LARP1B: variants seen among roughly 807,000 people sequenced by gnomAD.
LARP1B encodes la-related protein 1B.
Under a neutral mutation model 114.2 loss-of-function variants are expected in LARP1B, and 76 were observed. The ratio of observed to expected loss-of-function variants is 0.67; its 90% CI spans 0.55 to 0.81. The LOEUF (loss-of-function observed/expected upper bound fraction) is 0.81. Among genes scored for constraint, LARP1B ranks in the 30% least tolerant of loss-of-function variants. The probability of loss-of-function intolerance (pLI) is 0.00; values close to 1 mark genes in which losing one functional copy is unlikely to be tolerated. For synonymous variants in LARP1B, 345 were observed against 348.0 expected (o/e 0.99, Z 0.10); for missense variants, 1,014 against 1,075.8 (o/e 0.94, Z 0.80).
chr4:128,077,907 T>G lies in LARP1B; in HGVS notation c.162T>G (p.Gly54=). ...SKENRETKLN[G]PGENVSEDEA... ...AAAACCGGGAAACAAAATTAAATGG[T>G]CCTGGTGAAAACGTCAGTGAGGATG... The change falls in exon 4 of 20, where the codon GGT becomes GGG. Residue 54 remains glycine, a synonymous_variant. Transcript: ENST00000326639. The G allele has an allele frequency of 6.2e-7, 1 of 1,613,546 alleles. No individual in the cohort carries two copies. Among genetic ancestry groups the G allele is most frequent in the Middle Eastern group, 1.7e-4 (1 of 6,046 alleles).
intron 1 of LARP1B, among the ~76,000 whole-genome samples, chr4:128,065,021 T>C (rs543086959): frequency 5.9e-5 from 9 of 152,298 alleles, no homozygotes; most frequent in Non-Finnish European, 1.3e-4. Flanking sequence ...ACAGTTAAGC[T>C]ATTGGTGCCT....
intron 12 of LARP1B, among the ~76,000 whole-genome samples, chr4:128,169,526 TC>T (rs1171260340): frequency 1.3e-5 from 2 of 152,146 alleles, no homozygotes; most frequent in East Asian, 3.8e-4. Context: ...TTTTTTGAAA[TC>T]TAATTTTTAA....
intron 11 of LARP1B, among the ~76,000 whole-genome samples, chr4:128,129,997 A>G (rs142094295): frequency 0.017 from 2,647 of 152,306 alleles, 36 homozygotes; most frequent in Non-Finnish European, 0.026. Context: ...CATGAAAGAA[A>G]TAATAAGCTA....
chr4:128,156,257 C>G, intron 11 of LARP1B: 1 of 1,156,552 alleles, frequency 8.6e-7, no homozygotes, highest in South Asian at 1.4e-5. Context: ...GTCTGCTCCC[C>G]TTCCCCCACC....
At chr4:128,152,788 G>A (rs1409330816) in intron 11 of LARP1B, among the ~76,000 whole-genome samples, 8 of 151,722 alleles carry the variant, frequency 5.3e-5, no homozygotes, top group Admixed American at 2.0e-4. Flanking sequence ...AGTCAGGTTA[G>A]AGCTCTCTCA....
At chr4:128,196,555 CT>C (rs753233252) in intron 15 of LARP1B, among the ~76,000 whole-genome samples, 1 of 151,150 alleles carries the variant, frequency 6.6e-6, no homozygotes, top group Non-Finnish European at 1.5e-5. Context: ...AACACCAATC[CT>C]TCTCAAATTC....
intron 11 of LARP1B, among the ~76,000 whole-genome samples, chr4:128,140,272 T>C (rs1234387315): frequency 6.6e-6 from 1 of 152,136 alleles, no homozygotes; most frequent in Non-Finnish European, 1.5e-5. Context: ...TAGTCACAAA[T>C]TGAAAATATT....
At chr4:128,075,061 T>G in intron 3 of LARP1B, 68 bp downstream of exon 3, 1 of 1,030,122 alleles carries the variant, frequency 9.7e-7, no homozygotes, top group Non-Finnish European at 1.5e-6. Context: ...ATGCAGAATT[T>G]TATTTTACTT....
intron 5 of LARP1B, among the ~76,000 whole-genome samples, chr4:128,084,168 C>T (rs1052756802): frequency 2.0e-4 from 31 of 152,114 alleles, no homozygotes; most frequent in African/African-American, 6.5e-4. Context: ...GGGCTCCTCA[C>T]GTCCCAGACA....
Position 128,204,061 on chromosome 4 carries a change from T to G in LARP1B, c.2310-2367T>G, listed in dbSNP as rs139250840. The stretch of plus-strand genomic sequence containing the variant: ...TTATTAATGTCATACTTTTGGTCTT[T>G]GGAATAGTTTGCTAAGAAATAAGAG... On this transcript the variant is annotated intron_variant, in intron 17 of 19. Coordinates refer to ENST00000326639, the MANE Select transcript of LARP1B (RefSeq NM_018078.4). 2.1e-3 allele frequency among the ~76,000 whole-genome samples: 327 copies of G among 152,348 alleles called. 1 individual carries two copies. The highest frequency in any genetic ancestry group is 7.5e-3 in the African/African-American group (313 of 41,584).
chr4:128,119,334 A>C (rs1272905032), intron 10 of LARP1B, among the ~76,000 whole-genome samples: 2 of 152,160 alleles, frequency 1.3e-5, no homozygotes, highest in Non-Finnish European at 2.9e-5. Context: ...TATCTCATTC[A>C]TTGGTGAAAT....
chr4:128,192,655 C>T, intron 15 of LARP1B, among the ~76,000 whole-genome samples: 1 of 152,116 alleles, frequency 6.6e-6, no homozygotes, highest in East Asian at 1.9e-4. Flanking sequence ...TGCTTTTGTA[C>T]CATCATAAAC....
rs1040383185 is a variant in LARP1B at position 128,211,349 on chromosome 4, G to A, written c.*1296G>A. 1.9e-5 allele frequency: 18 copies of A among 964,620 alleles called. No individual in the cohort carries two copies. The East Asian group carries it at 1.7e-3, about 92-fold the overall frequency. 59.8% of individuals were successfully genotyped at this position (964,620 alleles called of 1,614,324 possible). Reference sequence around the variant, plus strand: ...GCTAAATTAATTGTATTTTCTTTTTGAGCAGATTGGATATCTTGTTCTTAT... The same window carrying A: ...GCTAAATTAATTGTATTTTCTTTTTAAGCAGATTGGATATCTTGTTCTTAT... On this transcript the variant is annotated 3_prime_UTR_variant, in exon 20 of 20. Coordinates refer to ENST00000326639, the MANE Select transcript of LARP1B (RefSeq NM_018078.4).
chr4:128,128,816 T>C (rs962641360), intron 11 of LARP1B, among the ~76,000 whole-genome samples: 1 of 152,114 alleles, frequency 6.6e-6, no homozygotes, highest in Non-Finnish European at 1.5e-5. Flanking sequence ...AAATAGTTTA[T>C]AAATCTGACA....
At chr4:128,112,801 C>G (rs541198406) in intron 9 of LARP1B, among the ~76,000 whole-genome samples, 1 of 152,020 alleles carries the variant, frequency 6.6e-6, no homozygotes, top group African/African-American at 2.4e-5. Flanking sequence ...CAGCACAGTT[C>G]TAGAGCTTTT....
At chr4:128,143,554 G>A (rs1728989484) in intron 11 of LARP1B, among the ~76,000 whole-genome samples, 2 of 107,630 alleles carry the variant, frequency 1.9e-5, no homozygotes, top group Non-Finnish European at 4.3e-5. Flanking sequence ...GAAAATCTAG[G>A]CAGAAGAGAA....
intron 9 of LARP1B, among the ~76,000 whole-genome samples, chr4:128,111,519 T>C (rs960340638): frequency 2.6e-5 from 4 of 152,018 alleles, no homozygotes; most frequent in Non-Finnish European, 5.9e-5. Context: ...GGTAACAAAG[T>C]GAGACCCAGT....
intron 1 of LARP1B, among the ~76,000 whole-genome samples, chr4:128,065,287 T>C (rs538366937): frequency 7.3e-6 from 1 of 136,254 alleles, no homozygotes; most frequent in African/African-American, 2.9e-5. Context: ...CTTTCTTTCT[T>C]TCTTTCTTTC....
rs994654421 is a variant in LARP1B at position 128,164,028 on chromosome 4, T to A, written c.1648+1711T>A. On this transcript the variant is annotated intron_variant, in intron 12 of 19. Coordinates refer to ENST00000326639, the MANE Select transcript of LARP1B (RefSeq NM_018078.4). ...GAGAAAAATATATTACGTATTCATG[T>A]TGATATTTTCTGTCTAAATTTAAGA... Among the ~76,000 whole-genome samples the A allele has an allele frequency of 2.6e-5, 4 of 152,094 alleles. No homozygotes were observed. In the East Asian group the frequency reaches 5.8e-4, roughly 22 times the overall value.
Sources: allele counts gnomAD v4.1 joint callset (sites outside exome capture counted in the v4.1 genomes callset), GRCh38; gene constraint gnomAD v4.1.1; transcripts MANE v1.5; gene names NCBI Gene and HGNC (gene_info 2026-07-23, HGNC 2026-07-21).